Variants in RBSN observed in about 807,000 individuals in gnomAD.
RBSN encodes the protein rabenosyn, RAB effector, also known as rabenosyn-5.
In RBSN, 34 loss-of-function variants were observed where a neutral mutation model predicts 60.5. That is an observed-to-expected ratio of 0.56 (90% CI 0.43 to 0.75). The LOEUF (loss-of-function observed/expected upper bound fraction) is 0.75. Ranked by LOEUF, RBSN falls within the 30% of genes least tolerant of loss-of-function variation. The probability of loss-of-function intolerance (pLI) is 0.00; values close to 1 mark genes in which losing one functional copy is unlikely to be tolerated. For missense variants in RBSN, 845 were observed against 986.8 expected, an observed-to-expected ratio of 0.86 and a Z score of 1.92; for synonymous variants, 322 against 366.9, an observed-to-expected ratio of 0.88 and a Z score of 1.40.
chr3:15,074,532 C>T lies in RBSN; in HGVS notation c.1605G>A (p.Glu535=). ...TGTGCAGGGATGCCACCCGAAACTG[C>T]TCCCTTTCTCGTTCCAACTCCCGTT... is the stretch of plus-strand genomic sequence containing the variant. ...LRERELERER[E]QFRVASLHTR... Residue 535 remains glutamate, a synonymous_variant, in exon 14 of 14, where the codon GAG becomes GAA. Coordinates refer to ENST00000253699, the MANE Select transcript of RBSN (RefSeq NM_022340.4). The surrounding 1 kb of genome is among the most constrained non-coding windows in gnomAD (Gnocchi z 6.4). 6.2e-7 allele frequency: 1 copy of T among 1,614,228 alleles called. No homozygotes were observed. Among genetic ancestry groups the T allele is most frequent in the Non-Finnish European group, 8.5e-7 (1 of 1,180,044 alleles).
At chr3:15,075,842 G>C (rs570176545) in intron 12 of RBSN, 132 bp from the exon 13 acceptor site, 5 of 699,020 alleles carry the variant, frequency 7.2e-6, no homozygotes, top group Admixed American at 2.5e-5. Flanking sequence ...ACAGCAGCTA[G>C]AAAGGAGAGA....
intron 4 of RBSN, 131 bp from the exon 5 acceptor site, chr3:15,090,670 T>C: frequency 7.6e-7 from 1 of 1,315,864 alleles, no homozygotes. Flanking sequence ...AATATTTAGA[T>C]CTCAAGTAAA....
rs1052074129 is a variant in RBSN at position 15,071,729 on chromosome 3, A to G, written c.*2053T>C. ...TTATTTTTTCATCAAGAGAGTTAAA[A>G]CATTCCCATTATCAAGAGGGGTCTT... is the stretch of plus-strand genomic sequence containing the variant. On this transcript the variant is annotated 3_prime_UTR_variant, in exon 14 of 14. Transcript: ENST00000253699. 6.6e-5 allele frequency: 10 copies of G among 152,618 alleles called. No individual in the cohort carries two copies. Among genetic ancestry groups the G allele is most frequent in the African/African-American group, 2.4e-4 (10 of 41,596 alleles). 9.5% of individuals were successfully genotyped at this position (152,618 alleles called of 1,614,324 possible).
In RBSN at chr3:15,074,637, C is replaced by A. The variant is rs1309317967; in HGVS notation, c.1500G>T (p.Gln500His). Residue 500 changes from glutamine (Q) to histidine (H), a missense_variant, in exon 14 of 14, where the codon CAG becomes CAT. Coordinates refer to ENST00000253699, the MANE Select transcript of RBSN (RefSeq NM_022340.4). This position sits in a 1 kb window ranked among gnomAD's most constrained non-coding sequence, Gnocchi z 6.4. ...RQLQDEYDQQQTEKAIELSRR... is the reference protein window; with the variant it reads ...RQLQDEYDQQHTEKAIELSRR... ...GGGACAGCTCGATGGCCTTCTCTGT[C>A]TGCTGCTGGTCATACTCGTCCTGCA... 6.2e-7 allele frequency: 1 copy of A among 1,614,270 alleles called. No homozygotes were observed. Among genetic ancestry groups the A allele is most frequent in the Non-Finnish European group, 8.5e-7 (1 of 1,180,036 alleles).
chr3:15,091,519 G>C, intron 4 of RBSN: 1 of 1,280,826 alleles, frequency 7.8e-7, no homozygotes. Flanking sequence ...AACAGAACCA[G>C]ATTGGGTAAG....
chr3:15,078,047 G>T, intron 11 of RBSN, 28 bp downstream of exon 11: 1 of 1,591,486 alleles, frequency 6.3e-7, no homozygotes, highest in Non-Finnish European at 8.6e-7. Context: ...TTCCACCAGC[G>T]GGCAGGATAC....
intron 3 of RBSN, 117 bp from the exon 4 acceptor site, chr3:15,096,405 T>C (rs755575958): frequency 1.3e-5 from 4 of 298,472 alleles, no homozygotes; most frequent in African/African-American, 2.2e-5. Flanking sequence ...CAGTGCAAGT[T>C]TGAGAAAACA....
chr3:15,074,940 G>T lies in RBSN; in HGVS notation c.1207-10C>A. The T allele has an allele frequency of 6.3e-7, 1 of 1,594,442 alleles. No individual in the cohort carries two copies. On this transcript the variant is annotated splice_polypyrimidine_tract_variant and intron_variant, in intron 13 of 13. Transcript: ENST00000253699. This position sits in a 1 kb window ranked among gnomAD's most constrained non-coding sequence, Gnocchi z 6.4. ...GGGACTCCAGGGCAGCCTGGGGAGA[G>T]AGCAAAGCAGAGAGAAGAAACAGTC...
chr3:15,094,076 C>A (rs1435775756), intron 4 of RBSN, among the ~76,000 whole-genome samples: 2 of 152,080 alleles, frequency 1.3e-5, no homozygotes, highest in Non-Finnish European at 2.9e-5. Flanking sequence ...AATAGATTCC[C>A]ATATCTGTAT....
In RBSN at chr3:15,095,996, C is replaced by T. The variant is rs771627152; in HGVS notation, c.125G>A (p.Arg42His). ...ACTTTTAATTTGCCCTTTGACATCA[C>T]GGTCTTCCCCTGAGTGTTCTTCCTC... ...HYEEEHSGED[R>H]DVKGQIKSLV... Residue 42 changes from arginine (R) to histidine (H), a missense_variant, in exon 4 of 14, where the codon CGT (arginine) becomes CAT (histidine). Physicochemically the swap from Arg to His is conservative, Grantham distance 29. Coordinates refer to ENST00000253699, the MANE Select transcript of RBSN (RefSeq NM_022340.4). 6 of 1,614,054 alleles carry T rather than the reference C, an allele frequency of 3.7e-6. No individual in the cohort carries two copies. Among genetic ancestry groups the T allele is most frequent in the African/African-American group, 1.3e-5 (1 of 74,918 alleles).
intron 2 of RBSN, among the ~76,000 whole-genome samples, chr3:15,097,682 C>T (rs576541080): frequency 6.6e-6 from 1 of 152,178 alleles, no homozygotes; most frequent in African/African-American, 2.4e-5. Context: ...AAAACCATTC[C>T]ACAAAAGCAG....
rs2042930656 is a variant in RBSN at position 15,071,690 on chromosome 3, A to G, written c.*2092T>C. 6.6e-6 allele frequency: 1 copy of G among 152,298 alleles called. No individual in the cohort carries two copies. Among genetic ancestry groups the G allele is most frequent in the African/African-American group, 2.4e-5 (1 of 41,470 alleles). The allele number at this position is 152,298 out of a possible 1,614,324, so 9.4% of individuals were successfully genotyped here. A position where few individuals can be genotyped will look rare whatever the true frequency, so the allele number is the denominator to read the frequency against. On this transcript the variant is annotated 3_prime_UTR_variant, in exon 14 of 14. Coordinates refer to ENST00000253699, the MANE Select transcript of RBSN (RefSeq NM_022340.4). ...AATGTGCTACAGAAATGTGAACATC[A>G]ACACAAATACAGATTATTTTTTCAT...
Position 15,074,608 on chromosome 3 carries a change from C to T in RBSN, c.1529G>A (p.Arg510Lys), listed in dbSNP as rs372587063. The change falls in exon 14 of 14, where the codon AGG (arginine) becomes AAG (lysine). Residue 510 changes from arginine (R) to lysine (K), a missense_variant. Transcript: ENST00000253699. The surrounding 1 kb of genome is among the most constrained non-coding windows in gnomAD (Gnocchi z 6.4). ...QTEKAIELSR[R>K]QAEEEDLQRE... ...CTGCAGGTCCTCCTCCTCAGCCTGC[C>T]TCCGGGACAGCTCGATGGCCTTCTC... is the stretch of plus-strand genomic sequence containing the variant. The T allele has an allele frequency of 2.1e-5, 34 of 1,614,154 alleles. No homozygotes were observed. Among genetic ancestry groups the T allele is most frequent in the Admixed American group, 5.0e-5 (3 of 60,008 alleles).
At position 15,082,491 on chromosome 3, in the gene RBSN, G is replaced by T. The variant is rs753202659; in HGVS notation, c.716C>A (p.Ser239Ter). The T allele has an allele frequency of 6.2e-7, 1 of 1,614,106 alleles. No individual in the cohort carries two copies. The highest frequency in any genetic ancestry group is 2.2e-5 in the East Asian group (1 of 44,882). The change falls in exon 9 of 14, where the codon TCG becomes TAG. Residue 239 changes from serine (S) to a stop codon, truncating the protein, a stop_gained. Transcript: ENST00000253699. LOFTEE classifies it high-confidence loss of function. The surrounding 1 kb of genome is among the most constrained non-coding windows in gnomAD (Gnocchi z 4.2). The part of the protein sequence containing the change: ...GSISSMSSVS[S>*]VLDEKDDDRI... ...GTCATCGTCCTTCTCATCCAGGACC[G>T]AGCTGACACTGCTCATGCTGCTGAT...
intron 5 of RBSN, among the ~76,000 whole-genome samples, chr3:15,089,940 G>A (rs2043464318): frequency 6.6e-6 from 1 of 152,038 alleles, no homozygotes; most frequent in African/African-American, 2.4e-5. Context: ...AAATGTTAGA[G>A]AATTTTTATC....
At chr3:15,089,168 C>T (rs542691808) in intron 5 of RBSN, among the ~76,000 whole-genome samples, 8 of 152,090 alleles carry the variant, frequency 5.3e-5, no homozygotes, top group South Asian at 2.1e-4. Flanking sequence ...TATCATTAGA[C>T]GGTTAAAGGA....
At position 15,084,152 on chromosome 3, in the gene RBSN, T is replaced by G. The variant is rs1055710949; in HGVS notation, c.598+583A>C. Among the ~76,000 whole-genome samples, 2 of 152,192 alleles carry G rather than the reference T, an allele frequency of 1.3e-5. No homozygotes were observed. The highest frequency in any genetic ancestry group is 2.9e-5 in the Non-Finnish European group (2 of 68,040). On this transcript the variant is annotated intron_variant, in intron 8 of 13. Coordinates refer to ENST00000253699, the MANE Select transcript of RBSN (RefSeq NM_022340.4). The surrounding 1 kb of genome is among the most constrained non-coding windows in gnomAD (Gnocchi z 4.2). ...TATTTTTTTGAGATGGGAGTCTCGC[T>G]CGGTCACCCAGGCTGAAGTGCAGTG...
In RBSN at chr3:15,082,587, T is replaced by C. The variant is rs1367475308; in HGVS notation, c.620A>G (p.Lys207Arg). ...PLANKLTSAS[K>R]ESLSTHTSPS... is the part of the protein sequence containing the mutation. ...GCTGGTGTGGGTGCTCAGGGACTCC[T>C]TGCTGGCACTGGTGAGCTTGTCTGT... Residue 207 changes from lysine to arginine, a missense_variant, in exon 9 of 14, where the codon AAG (lysine) becomes AGG (arginine). Physicochemically the swap from Lys to Arg is conservative, Grantham distance 26 (BLOSUM62 2). Transcript: ENST00000253699. This position sits in a 1 kb window ranked among gnomAD's most constrained non-coding sequence, Gnocchi z 4.2. 6.2e-7 allele frequency: 1 copy of C among 1,614,086 alleles called. No homozygotes were observed.
In RBSN at chr3:15,096,221, G is replaced by A; in HGVS notation, c.-101C>T. 7.7e-7 allele frequency: 1 copy of A among 1,294,690 alleles called. No individual in the cohort carries two copies. The highest frequency in any genetic ancestry group is 1.8e-5 in the South Asian group (1 of 55,486). The allele number at this position is 1,294,690 out of a possible 1,614,324, so 80.2% of individuals were successfully genotyped here. Reference sequence around the variant, plus strand: ...GGTTCCCGCAGCATTAGCTTAAGCAGCACACAGATGGTGAGGAAGTGGCTT... The same window carrying A: ...GGTTCCCGCAGCATTAGCTTAAGCAACACACAGATGGTGAGGAAGTGGCTT... On this transcript the variant is annotated 5_prime_UTR_variant, in exon 4 of 14. Transcript: ENST00000253699.
Sources: gnomAD v4.1 joint callset for allele counts (sites outside exome capture counted in the v4.1 genomes callset) on GRCh38, gnomAD v4.1.1 for gene constraint, Gnocchi (gnomAD v3.1) non-coding constraint, MANE v1.5 for transcripts, NCBI Gene and HGNC (gene_info 2026-07-23, HGNC 2026-07-21) for gene names.